The following YEATS2 variants were observed in gnomAD, a reference collection of about 807,000 sequenced individuals.
The protein encoded by YEATS2 is YEATS domain-containing protein 2.
In YEATS2, 77 loss-of-function variants were observed where a neutral mutation model predicts 163.2. That is an observed-to-expected ratio of 0.47 (90% confidence interval 0.39 to 0.57). The LOEUF (loss-of-function observed/expected upper bound fraction) is 0.57, where lower values mean the gene tolerates loss of function less well. Among genes scored for constraint, YEATS2 ranks in the 20% least tolerant of loss-of-function variants. YEATS2 has a pLI of 0.00. For synonymous variants in YEATS2, 631 were observed against 645.1 expected (o/e 0.98, Z 0.33); for missense variants, 1,549 against 1,729.8 (o/e 0.90, Z 1.85).
At chr3:183,804,575 G>C (rs532244118) in intron 27 of YEATS2, among the ~76,000 whole-genome samples, 3 of 152,228 alleles carry the variant, frequency 2.0e-5, no homozygotes, top group African/African-American at 7.2e-5. Flanking sequence ...TGAAGATGAG[G>C]CCTGTGTCTC....
intron 26 of YEATS2, 74 bp from the exon 27 acceptor site, chr3:183,803,913 A>G: frequency 1.3e-6 from 2 of 1,501,386 alleles, no homozygotes; most frequent in Non-Finnish European, 1.8e-6. Context: ...ATGGTGATTT[A>G]TGGTTGCATG....
intron 13 of YEATS2, 29 bp downstream of exon 13, chr3:183,758,994 T>G: frequency 7.3e-7 from 1 of 1,366,656 alleles, no homozygotes; most frequent in East Asian, 2.5e-5. Context: ...TATTACACTT[T>G]GCTAGCTTCT....
At chr3:183,718,707 G>GT (rs926533264) in intron 4 of YEATS2, 115 bp downstream of exon 4, 2,530 of 898,518 alleles carry the variant, frequency 2.8e-3, no homozygotes, top group Middle Eastern at 4.1e-3. Flanking sequence ...TTGTTTTTTG[G>GT]TTTTTTTTTG....
intron 1 of YEATS2, among the ~76,000 whole-genome samples, chr3:183,708,160 CTTTT>C (rs35605564): frequency 1.7e-5 from 2 of 120,916 alleles, no homozygotes; most frequent in Non-Finnish European, 1.7e-5. Context: ...GAATTGGCCA[CTTTT>C]TTTTTTTTTT....
chr3:183,803,596 T>G, intron 26 of YEATS2: 1 of 535,742 alleles, frequency 1.9e-6, no homozygotes. Flanking sequence ...TATTGAGTCC[T>G]TACAGTGGGA....
chr3:183,750,407 A>G (rs1039566180), intron 9 of YEATS2, among the ~76,000 whole-genome samples: 5 of 152,208 alleles, frequency 3.3e-5, no homozygotes, highest in Non-Finnish European at 5.9e-5. Flanking sequence ...ACAGGTATCT[A>G]TTCAAATCCT....
intron 15 of YEATS2, among the ~76,000 whole-genome samples, chr3:183,765,327 A>G (rs1299889751): frequency 2.0e-5 from 3 of 152,152 alleles, no homozygotes; most frequent in Non-Finnish European, 2.9e-5. Flanking sequence ...GTTCGTTTCC[A>G]TTTTTTGCCG....
chr3:183,761,254 A>C (rs1435251387), intron 13 of YEATS2, among the ~76,000 whole-genome samples: 1 of 151,846 alleles, frequency 6.6e-6, no homozygotes, highest in Non-Finnish European at 1.5e-5. Context: ...CACCCGGCTA[A>C]TTTTGTATAT....
chr3:183,793,199 C>T, intron 21 of YEATS2: 6 of 1,276,926 alleles, frequency 4.7e-6, no homozygotes, highest in African/African-American at 1.5e-5. Flanking sequence ...CTCACGCATG[C>T]AGACAACACC....
intron 6 of YEATS2, among the ~76,000 whole-genome samples, chr3:183,725,526 G>A (rs950295774): frequency 2.6e-5 from 4 of 152,234 alleles, no homozygotes; most frequent in East Asian, 1.9e-4. Context: ...CCTGGCGGAA[G>A]GCAAGGGAGA....
chr3:183,712,225 T>TTATGTTA (rs1553856426), intron 1 of YEATS2, among the ~76,000 whole-genome samples: 2 of 150,086 alleles, frequency 1.3e-5, no homozygotes, highest in African/African-American at 5.0e-5. Flanking sequence ...TTATTTTATT[T>TTATGTTA]TTTGAGACAG....
intron 11 of YEATS2, among the ~76,000 whole-genome samples, chr3:183,755,492 A>G (rs1026215248): frequency 6.6e-6 from 1 of 152,186 alleles, no homozygotes. Context: ...GGCTGAACAT[A>G]TAAATTGATT....
chr3:183,757,438 G>C (rs1401101238), intron 12 of YEATS2, among the ~76,000 whole-genome samples: 1 of 152,090 alleles, frequency 6.6e-6, no homozygotes, highest in South Asian at 2.1e-4. Flanking sequence ...TTACAGGCGT[G>C]CACCACCACG....
intron 20 of YEATS2, among the ~76,000 whole-genome samples, chr3:183,786,980 G>A (rs1259039788): frequency 6.6e-6 from 1 of 152,050 alleles, no homozygotes; most frequent in East Asian, 1.9e-4. Flanking sequence ...TTTTGAGATG[G>A]AGTCTTGCTG....
chr3:183,796,266 G>A (rs1315610508), intron 21 of YEATS2, among the ~76,000 whole-genome samples: 1 of 150,470 alleles, frequency 6.6e-6, no homozygotes, highest in Non-Finnish European at 1.5e-5. Context: ...CCAAAGTGCT[G>A]GGATTACAGG....
intron 27 of YEATS2, among the ~76,000 whole-genome samples, chr3:183,805,927 C>A (rs145021363): frequency 3.6e-4 from 55 of 152,214 alleles, no homozygotes; most frequent in African/African-American, 1.3e-3. Context: ...GCTGTGTAAG[C>A]TACTCGGAGA....
Position 183,699,242 on chromosome 3 carries a change from G to A in YEATS2, c.-20+1249G>A, listed in dbSNP as rs1446496897. On this transcript the variant is annotated intron_variant, in intron 1 of 30. Coordinates refer to ENST00000305135, the MANE Select transcript of YEATS2 (RefSeq NM_018023.5). Reference sequence around the variant, plus strand: ...ATTTTTGTTTTGAGCAACTGAGTAGGTGGTGGTGCTGTTTACTGAGATGAA... The same window carrying A: ...ATTTTTGTTTTGAGCAACTGAGTAGATGGTGGTGCTGTTTACTGAGATGAA... Among the ~76,000 whole-genome samples, 2 of 152,040 alleles carry A rather than the reference G, an allele frequency of 1.3e-5. 1 individual carries two copies.
In YEATS2 at chr3:183,762,165, A is replaced by G. The variant is rs1259177639; in HGVS notation, c.1833A>G (p.Pro611=). The G allele has an allele frequency of 1.2e-5, 19 of 1,613,834 alleles. No individual in the cohort carries two copies. The highest frequency in any genetic ancestry group is 1.6e-5 in the Non-Finnish European group (19 of 1,179,972). ...VPATGAASQS[P]LPQYVTVKGG... The stretch of plus-strand genomic sequence containing the variant: ...CAACAGGAGCTGCCAGCCAGTCACC[A>G]CTCCCGCAGTATGTGACTGTGAAAG... The change falls in exon 15 of 31, where the codon CCA becomes CCG. Residue 611 remains proline (P), a synonymous_variant. Transcript: ENST00000305135.
At chr3:183,707,054 T>A (rs962161465) in intron 1 of YEATS2, among the ~76,000 whole-genome samples, 3 of 152,204 alleles carry the variant, frequency 2.0e-5, no homozygotes, top group African/African-American at 7.2e-5. Context: ...CGTAAATGAA[T>A]TTCATGTTTA....
Sources: allele counts gnomAD v4.1 joint callset (sites outside exome capture counted in the v4.1 genomes callset), GRCh38; gene constraint gnomAD v4.1.1; transcripts MANE v1.5; gene names NCBI Gene and HGNC (gene_info 2026-07-23, HGNC 2026-07-21).